Variants in CACNA1A observed in about 807,000 individuals in gnomAD.
The protein encoded by CACNA1A is voltage-dependent P/Q-type calcium channel subunit alpha-1A.
In CACNA1A, 57 loss-of-function variants were observed where a neutral mutation model predicts 262.4. The ratio of observed to expected loss-of-function variants is 0.22; its 90% confidence interval spans 0.18 to 0.27. CACNA1A has a LOEUF of 0.27. CACNA1A is among the 10% of genes least tolerant of loss of function. CACNA1A has a pLI of 1.00. For synonymous variants in CACNA1A, 1,431 were observed against 1,419.3 expected, an observed-to-expected ratio of 1.01 and a Z score of -0.18; for missense variants, 2,526 against 3,562.8, an observed-to-expected ratio of 0.71 and a Z score of 7.41.
intron 4 of CACNA1A, among the ~76,000 whole-genome samples, chr19:13,368,033 G>A (rs2059248214): frequency 6.6e-6 from 1 of 151,846 alleles, no homozygotes; most frequent in Non-Finnish European, 1.5e-5. Flanking sequence ...AATAATAGCT[G>A]GCCAAGCGTG....
At chr19:13,298,264 G>A (rs549178480) in intron 19 of CACNA1A, among the ~76,000 whole-genome samples, 2 of 151,508 alleles carry the variant, frequency 1.3e-5, no homozygotes, top group African/African-American at 4.8e-5. Flanking sequence ...CTGAGTAGCT[G>A]GGGCTACAGG....
chr19:13,322,603 T>G (rs2058277527), intron 10 of CACNA1A, among the ~76,000 whole-genome samples: 1 of 152,042 alleles, frequency 6.6e-6, no homozygotes, highest in Admixed American at 6.6e-5. Flanking sequence ...TGTCTTTTTT[T>G]TTTTTCTTGT....
At chr19:13,275,310 G>C (rs1241475263) in intron 24 of CACNA1A, 1 of 155,364 alleles carries the variant, frequency 6.4e-6, no homozygotes, top group South Asian at 2.0e-4. Context: ...CTACAACTGG[G>C]GCGCCATCTT....
chr19:13,309,153 C>T (rs997130566), intron 12 of CACNA1A, among the ~76,000 whole-genome samples: 4 of 152,080 alleles, frequency 2.6e-5, no homozygotes, highest in Non-Finnish European at 5.9e-5. Context: ...GGATTACAGG[C>T]ACCCGCCACC....
At chr19:13,457,292 C>T (rs552625112) in intron 1 of CACNA1A, among the ~76,000 whole-genome samples, 56 of 152,014 alleles carry the variant, frequency 3.7e-4, no homozygotes, top group African/African-American at 1.3e-3. Flanking sequence ...AAAAAAACAC[C>T]AGTGCAACTG....
Position 13,212,696 on chromosome 19 carries a change from T to C in CACNA1A, c.5985A>G (p.Pro1995=), listed in dbSNP as rs370002435. The C allele has an allele frequency of 8.6e-6, 13 of 1,509,216 alleles. No individual in the cohort carries two copies. The highest frequency in any genetic ancestry group is 1.2e-5 in the Non-Finnish European group (13 of 1,129,726). The allele number at this position is 1,509,216 out of a possible 1,614,324, so 93.5% of individuals were successfully genotyped here. The change falls in exon 41 of 47, where the codon CCA becomes CCG. Residue 1995 remains proline (P), a synonymous_variant. Coordinates refer to ENST00000360228, the MANE Select transcript of CACNA1A (RefSeq NM_001127222.2). This position sits in a 1 kb window ranked among gnomAD's most constrained non-coding sequence, Gnocchi z 5.6. ...TCTGGCCAGGTCCCCCTTCCTGCGT[T>C]GGGGACGGGGGCTCCATGCGCTGGA... ...LMFQRMEPPS[P]TQEGGPGQNA...
intron 3 of CACNA1A, among the ~76,000 whole-genome samples, chr19:13,411,369 A>T (rs772349244): frequency 3.3e-5 from 5 of 152,154 alleles, no homozygotes; most frequent in Admixed American, 6.5e-5. Flanking sequence ...CGCCAGGTGG[A>T]GATAACTGAA....
chr19:13,326,986 G>A (rs2058375013), intron 10 of CACNA1A, among the ~76,000 whole-genome samples: 1 of 151,262 alleles, frequency 6.6e-6, no homozygotes, highest in Non-Finnish European at 1.5e-5. Flanking sequence ...TTGACCTCCT[G>A]GGCTCAGGTG....
chr19:13,313,374 C>A (rs1305415315), intron 11 of CACNA1A, among the ~76,000 whole-genome samples: 2 of 151,804 alleles, frequency 1.3e-5, no homozygotes, highest in Non-Finnish European at 2.9e-5. Context: ...GTGACACATG[C>A]CTGTAAACCC....
intron 3 of CACNA1A, among the ~76,000 whole-genome samples, chr19:13,413,895 A>AAAAAG (rs1555783335): frequency 8.4e-6 from 1 of 119,138 alleles, no homozygotes; most frequent in Non-Finnish European, 1.6e-5. Flanking sequence ...GAAAGAAAGA[A>AAAAAG]AAAGAAAGAA....
chr19:13,329,632 G>A (rs571135378), intron 10 of CACNA1A, among the ~76,000 whole-genome samples: 3 of 151,762 alleles, frequency 2.0e-5, no homozygotes, highest in African/African-American at 7.2e-5. Context: ...GGAACTACAG[G>A]CTAATTTTTT....
chr19:13,420,028 G>C (rs542727101), intron 3 of CACNA1A, among the ~76,000 whole-genome samples: 62 of 151,930 alleles, frequency 4.1e-4, no homozygotes, highest in African/African-American at 1.4e-3. Context: ...AGAGGTTGCA[G>C]TGAGCCGAGA....
rs141005557 is a variant in CACNA1A, at chr19:13,265,252, C to T, written c.3990-2419G>A. Among the ~76,000 whole-genome samples the T allele has an allele frequency of 4.3e-3, 656 of 152,298 alleles. 6 individuals are homozygous for T. Among genetic ancestry groups the T allele is most frequent in the African/African-American group, 0.014 (584 of 41,564 alleles). The stretch of plus-strand genomic sequence containing the variant: ...TGGTCTCAGGACACGTGAATGCCTC[C>T]GGTTGGAGTATTTGGGTGGGGAGGT... On this transcript the variant is annotated intron_variant, in intron 24 of 46. Coordinates refer to ENST00000360228, the MANE Select transcript of CACNA1A (RefSeq NM_001127222.2).
chr19:13,258,334 A>C (rs80037247), intron 27 of CACNA1A: 1 of 152,382 alleles, frequency 6.6e-6, no homozygotes, highest in East Asian at 1.9e-4. Flanking sequence ...CAGGAGGTAC[A>C]ATGGGGATAT....
chr19:13,279,873 A>G (rs2057247024), intron 22 of CACNA1A, among the ~76,000 whole-genome samples: 1 of 152,048 alleles, frequency 6.6e-6, no homozygotes, highest in Non-Finnish European at 1.5e-5. Flanking sequence ...CAGTGACGCC[A>G]TCTTGGCTCA....
At chr19:13,293,745 C>T (rs1252211407) in intron 19 of CACNA1A, among the ~76,000 whole-genome samples, 2 of 151,308 alleles carry the variant, frequency 1.3e-5, no homozygotes, top group Non-Finnish European at 2.9e-5. Context: ...CATGAGCCAC[C>T]GCGCCCGGCT....
At chr19:13,251,922 G>A (rs940547818) in intron 30 of CACNA1A, among the ~76,000 whole-genome samples, 2 of 151,632 alleles carry the variant, frequency 1.3e-5, no homozygotes, top group Non-Finnish European at 1.5e-5. Context: ...CCACAAGCAC[G>A]CCAGGCTAAT....
chr19:13,234,226 T>C (rs1225178930), intron 34 of CACNA1A, among the ~76,000 whole-genome samples: 1 of 148,988 alleles, frequency 6.7e-6, no homozygotes, highest in Non-Finnish European at 1.5e-5. Flanking sequence ...GGCGGGCGCC[T>C]GTAGTCCCAG....
At chr19:13,438,613 C>T (rs886475369) in intron 3 of CACNA1A, among the ~76,000 whole-genome samples, 1 of 152,162 alleles carries the variant, frequency 6.6e-6, no homozygotes, top group Non-Finnish European at 1.5e-5. Flanking sequence ...CCAGCTGACC[C>T]GCAGCTGACC....
Sources: gnomAD v4.1 joint callset for allele counts (sites outside exome capture counted in the v4.1 genomes callset) on GRCh38, gnomAD v4.1.1 for gene constraint, Gnocchi (gnomAD v3.1) non-coding constraint, MANE v1.5 for transcripts, NCBI Gene and HGNC (gene_info 2026-07-23, HGNC 2026-07-21) for gene names.